The following SEMA5A variants were observed in gnomAD, a reference collection of about 807,000 sequenced individuals.
SEMA5A encodes semaphorin 5A.
SEMA5A carries 55 observed loss-of-function variants against 135.5 expected under a neutral mutation model. The ratio of observed to expected loss-of-function variants is 0.41; its 90% CI spans 0.33 to 0.51. The LOEUF is 0.51. Among genes scored for constraint, SEMA5A ranks in the 20% least tolerant of loss-of-function variants. SEMA5A has a pLI of 0.37. For synonymous variants in SEMA5A, 580 were observed against 546.5 expected (o/e 1.06, Z -0.85); for missense variants, 1,290 against 1,419.9 (o/e 0.91, Z 1.47).
intron 21 of SEMA5A, among the ~76,000 whole-genome samples, chr5:9,048,211 T>A (rs745709911): frequency 1.3e-5 from 2 of 152,092 alleles, no homozygotes; most frequent in Non-Finnish European, 2.9e-5. Flanking sequence ...CCGAACACAA[T>A]GCTTTTGGAT....
intron 1 of SEMA5A, among the ~76,000 whole-genome samples, chr5:9,539,560 G>A (rs1355985222): frequency 6.6e-6 from 1 of 152,124 alleles, no homozygotes; most frequent in Admixed American, 6.6e-5. Flanking sequence ...TTTTAAATGA[G>A]AACATCCCTG....
At chr5:9,481,967 C>T (rs1431584069) in intron 1 of SEMA5A, among the ~76,000 whole-genome samples, 1 of 152,208 alleles carries the variant, frequency 6.6e-6, no homozygotes, top group African/African-American at 2.4e-5. Flanking sequence ...AATCACATCT[C>T]CAAACCACTT....
At chr5:9,346,348 A>G (rs1426471443) in intron 3 of SEMA5A, among the ~76,000 whole-genome samples, 1 of 151,824 alleles carries the variant, frequency 6.6e-6, no homozygotes, top group Non-Finnish European at 1.5e-5. Flanking sequence ...ATTTACCTCC[A>G]CATTTACCAC....
At chr5:9,174,852 T>G (rs905460913) in intron 11 of SEMA5A, among the ~76,000 whole-genome samples, 1 of 152,218 alleles carries the variant, frequency 6.6e-6, no homozygotes, top group Non-Finnish European at 1.5e-5. Context: ...GCCCTTCATG[T>G]TAGACTACAT....
intron 16 of SEMA5A, among the ~76,000 whole-genome samples, chr5:9,104,043 C>T (rs186437937): frequency 6.6e-6 from 1 of 152,276 alleles, no homozygotes; most frequent in Admixed American, 6.5e-5. Context: ...TAAAGTAAGG[C>T]TTATCATTTA....
At chr5:9,441,447 C>T (rs1758229493) in intron 1 of SEMA5A, among the ~76,000 whole-genome samples, 1 of 152,018 alleles carries the variant, frequency 6.6e-6, no homozygotes, top group African/African-American at 2.4e-5. Flanking sequence ...TACGCCAGCA[C>T]CATGGTGAGT....
At chr5:9,413,189 C>T (rs1216403586) in intron 2 of SEMA5A, among the ~76,000 whole-genome samples, 1 of 152,144 alleles carries the variant, frequency 6.6e-6, no homozygotes, top group African/African-American at 2.4e-5. Flanking sequence ...TATCCAGTGA[C>T]AGGACAGTGG....
intron 1 of SEMA5A, among the ~76,000 whole-genome samples, chr5:9,465,178 A>G (rs1218163145): frequency 6.6e-6 from 1 of 152,226 alleles, no homozygotes; most frequent in Non-Finnish European, 1.5e-5. Context: ...ATGGGAACAC[A>G]GTCTCATTGT....
intron 4 of SEMA5A, among the ~76,000 whole-genome samples, chr5:9,319,280 G>A (rs1453750644): frequency 6.6e-6 from 1 of 152,032 alleles, no homozygotes; most frequent in African/African-American, 2.4e-5. Flanking sequence ...GAAAAGAAAA[G>A]AAACATGAAC....
chr5:9,190,115 A>T, intron 11 of SEMA5A, 152 bp downstream of exon 11: 1 of 690,906 alleles, frequency 1.4e-6, no homozygotes, highest in Non-Finnish European at 2.4e-6. Context: ...ACAGAGGCTG[A>T]GGAAGATAAG....
intron 4 of SEMA5A, among the ~76,000 whole-genome samples, chr5:9,327,551 C>A (rs17196579): frequency 6.6e-6 from 1 of 152,012 alleles, no homozygotes; most frequent in South Asian, 2.1e-4. Context: ...TTAAAAGGTG[C>A]AAAAATAGAT....
At chr5:9,345,474 T>C (rs531939306) in intron 3 of SEMA5A, among the ~76,000 whole-genome samples, 2 of 150,550 alleles carry the variant, frequency 1.3e-5, no homozygotes, top group South Asian at 4.2e-4. Flanking sequence ...GGTTAGTATT[T>C]AATGCTGATT....
intron 1 of SEMA5A, among the ~76,000 whole-genome samples, chr5:9,477,634 A>C (rs1579605365): frequency 6.6e-6 from 1 of 152,226 alleles, no homozygotes; most frequent in South Asian, 2.1e-4. Context: ...GGAACTTTGA[A>C]CTCGAGAGAG....
chr5:9,197,785 T>TGTGTGTGTGTGTGTGTA (rs1561011433), intron 9 of SEMA5A, among the ~76,000 whole-genome samples: 1 of 117,862 alleles, frequency 8.5e-6, no homozygotes, highest in African/African-American at 4.1e-5. Flanking sequence ...TGTGTGTGTG[T>TGTGTGTGTGTGTGTGTA]TTTAACCCAG....
chr5:9,368,701 T>A (rs1755015301), intron 3 of SEMA5A, among the ~76,000 whole-genome samples: 1 of 152,242 alleles, frequency 6.6e-6, no homozygotes, highest in Admixed American at 6.5e-5. Context: ...ACTCTGAGAT[T>A]TCATCTAGCT....
intron 5 of SEMA5A, among the ~76,000 whole-genome samples, chr5:9,269,692 ATGG>A (rs1749867631): frequency 6.6e-6 from 1 of 152,166 alleles, no homozygotes; most frequent in Admixed American, 6.5e-5. Flanking sequence ...AAGATTATAC[ATGG>A]TGGTGACCTT....
intron 5 of SEMA5A, among the ~76,000 whole-genome samples, chr5:9,239,217 G>C (rs893997809): frequency 6.6e-6 from 1 of 152,132 alleles, no homozygotes; most frequent in Admixed American, 6.5e-5. Context: ...TGCTATAACT[G>C]TTTTCCCTTG....
At position 9,119,939 on chromosome 5, in the gene SEMA5A, TA is replaced by T. The variant is rs559439705; in HGVS notation, c.1782-799del. ...AAAATAAAAATAGGATGAACCAATTTAAAAAATTTTTTTAATTCTATTGACA... is the reference window on the plus strand; with the variant it reads ...AAAATAAAAATAGGATGAACCAATTTAAAAATTTTTTTAATTCTATTGACA... On this transcript the variant is annotated intron_variant, in intron 14 of 22. Transcript: ENST00000382496. Among the ~76,000 whole-genome samples the T allele has an allele frequency of 3.6e-3, 555 of 152,108 alleles. 2 individuals are homozygous for T. Among genetic ancestry groups the T allele is most frequent in the African/African-American group, 0.012 (505 of 41,554 alleles).
rs368395252 is a variant in SEMA5A at position 9,303,515 on chromosome 5, A to C, written c.270+14857T>G. On this transcript the variant is annotated intron_variant, in intron 5 of 22. Coordinates refer to ENST00000382496, the MANE Select transcript of SEMA5A (RefSeq NM_003966.3). The stretch of plus-strand genomic sequence containing the variant: ...TACCATTAATTTTTTTTAAGTTTAC[A>C]CACATAGATACATGTTTCTTTGTAG... 7.2e-5 allele frequency among the ~76,000 whole-genome samples: 11 copies of C among 152,202 alleles called. No individual in the cohort carries two copies. In the East Asian group the frequency reaches 1.3e-3, roughly 19 times the overall value.
Sources: gnomAD v4.1 joint callset for allele counts (sites outside exome capture counted in the v4.1 genomes callset) on GRCh38, gnomAD v4.1.1 for gene constraint, MANE v1.5 for transcripts, NCBI Gene and HGNC (gene_info 2026-07-23, HGNC 2026-07-21) for gene names.